Variants in MPDZ observed in about 807,000 individuals in gnomAD.
The protein encoded by MPDZ is multiple PDZ domain protein.
In MPDZ, 234 loss-of-function variants were observed where a neutral mutation model predicts 239.1. That is an observed-to-expected ratio of 0.98 (90% CI 0.88 to 1.09). The LOEUF is 1.09. MPDZ is among the 50% of genes least tolerant of loss of function. MPDZ has a pLI of 0.00. For missense variants in MPDZ, 3,175 were observed against 2,510.0 expected (o/e 1.26, Z -5.66); for synonymous variants, 1,048 against 881.3 (o/e 1.19, Z -3.35).
chr9:13,231,385 G>A, intron 3 of MPDZ, among the ~76,000 whole-genome samples: 1 of 151,940 alleles, frequency 6.6e-6, no homozygotes. Context: ...GGCCAACATG[G>A]CAAAAACCCA....
chr9:13,271,353 T>C (rs1972915632), intron 1 of MPDZ, among the ~76,000 whole-genome samples: 1 of 152,194 alleles, frequency 6.6e-6, no homozygotes, highest in South Asian at 2.1e-4. Flanking sequence ...AATATGCTAC[T>C]TTGGCATCAG....
intron 13 of MPDZ, among the ~76,000 whole-genome samples, chr9:13,193,679 G>A (rs753430250): frequency 6.6e-5 from 10 of 152,148 alleles, no homozygotes; most frequent in South Asian, 2.1e-4. Flanking sequence ...AACAAAGAAC[G>A]CAGAACCACA....
intron 1 of MPDZ, 63 bp downstream of exon 1, chr9:13,279,337 G>C (rs1975123370): frequency 7.4e-6 from 1 of 134,432 alleles, no homozygotes; most frequent in Non-Finnish European, 1.6e-5. Context: ...CTTCCCCGCC[G>C]GCGCGCGCGC....
intron 5 of MPDZ, among the ~76,000 whole-genome samples, chr9:13,222,668 T>TA (rs938220531): frequency 6.6e-6 from 1 of 152,062 alleles, no homozygotes; most frequent in African/African-American, 2.4e-5. Flanking sequence ...CCCTCCCATA[T>TA]AAAAGTACTC....
In MPDZ at chr9:13,183,597, A is replaced by G; in HGVS notation, c.2482-12T>C. ...TCATTTGTGCCCACCTAGAAACAAA[A>G]CAATAATATCAGTTGGGAATTCTGT... On this transcript the variant is annotated splice_polypyrimidine_tract_variant and intron_variant, in intron 18 of 46. Coordinates refer to ENST00000319217, the MANE Select transcript of MPDZ (RefSeq NM_001378778.1). The G allele has an allele frequency of 6.2e-7, 1 of 1,610,570 alleles. No homozygotes were observed. Among genetic ancestry groups the G allele is most frequent in the Admixed American group, 1.7e-5 (1 of 59,418 alleles).
chr9:13,128,396 T>C (rs1945428965), intron 32 of MPDZ, among the ~76,000 whole-genome samples: 1 of 152,204 alleles, frequency 6.6e-6, no homozygotes, highest in Non-Finnish European at 1.5e-5. Context: ...ATAAGGCCTG[T>C]TGCCAACAGC....
At chr9:13,232,851 T>C (rs1255320059) in intron 3 of MPDZ, among the ~76,000 whole-genome samples, 2 of 62,346 alleles carry the variant, frequency 3.2e-5, no homozygotes, top group African/African-American at 6.7e-5. Flanking sequence ...GAAAAATCAA[T>C]AGAAAAATGG....
chr9:13,259,766 G>A (rs1325810376), intron 1 of MPDZ, among the ~76,000 whole-genome samples: 1 of 152,142 alleles, frequency 6.6e-6, no homozygotes, highest in African/African-American at 2.4e-5. Flanking sequence ...CGGAGAAGAT[G>A]AGCCTGGAGA....
At chr9:13,122,341 C>G (rs1407706479) in intron 36 of MPDZ, among the ~76,000 whole-genome samples, 171 bp from the exon 37 acceptor site, 1 of 152,008 alleles carries the variant, frequency 6.6e-6, no homozygotes, top group Non-Finnish European at 1.5e-5. Flanking sequence ...ACAATTTTTG[C>G]TAAAAGGCTC....
At chr9:13,236,243 G>GTATATATATA (rs1564099447) in intron 3 of MPDZ, among the ~76,000 whole-genome samples, 1 of 4,338 alleles carries the variant, frequency 2.3e-4, no homozygotes, top group Admixed American at 4.6e-3. Flanking sequence ...ATATGTGTGT[G>GTATATATATA]TGTGTGTATA....
At chr9:13,173,950 T>C (rs919481566) in intron 21 of MPDZ, among the ~76,000 whole-genome samples, 3 of 152,142 alleles carry the variant, frequency 2.0e-5, no homozygotes, top group African/African-American at 7.2e-5. Context: ...CCAGCAGTTG[T>C]CTCCCATTTA....
rs989105664 is a variant in MPDZ, at chr9:13,106,876, A to G, written c.*89T>C. 1.4e-6 allele frequency: 2 copies of G among 1,448,186 alleles called. No individual in the cohort carries two copies. The highest frequency in any genetic ancestry group is 3.4e-5 in the Admixed American group (2 of 58,476). 89.7% of individuals were successfully genotyped at this position (1,448,186 alleles called of 1,614,324 possible). On this transcript the variant is annotated 3_prime_UTR_variant, in exon 47 of 47. Transcript: ENST00000319217. ...CCTACAGTTTTGAAGACCCGGCTGA[A>G]CACAGCATAAAAATTGTCAGGACCA...
intron 1 of MPDZ, among the ~76,000 whole-genome samples, chr9:13,278,703 G>A (rs1588298976): frequency 6.6e-6 from 1 of 152,128 alleles, no homozygotes; most frequent in Non-Finnish European, 1.5e-5. Flanking sequence ...CCCACCAACG[G>A]GAGCGGCGGT....
At position 13,147,456 on chromosome 9, in the gene MPDZ, T is replaced by C; in HGVS notation, c.3741+92A>G. 4.4e-6 allele frequency: 4 copies of C among 915,876 alleles called. No individual in the cohort carries two copies. In the South Asian group the frequency reaches 5.7e-5, roughly 13 times the overall value. The allele number at this position is 915,876 out of a possible 1,614,324, so 56.7% of individuals were successfully genotyped here. A position where few individuals can be genotyped will look rare whatever the true frequency, so the allele number is the denominator to read the frequency against. ...TCCTGAGATTTGAAAAATCACTATC[T>C]TTACTCATACAGACAACTTGGCCCT... is the stretch of plus-strand genomic sequence containing the variant. On this transcript the variant is annotated intron_variant, in intron 26 of 46. Transcript: ENST00000319217.
chr9:13,108,318 C>G (rs2130970331), intron 46 of MPDZ, among the ~76,000 whole-genome samples: 1 of 152,018 alleles, frequency 6.6e-6, no homozygotes, highest in East Asian at 1.9e-4. Context: ...TATCTTTATT[C>G]TTATTCTAAA....
At position 13,112,016 on chromosome 9, in the gene MPDZ, C is replaced by T. The variant is rs148275773; in HGVS notation, c.5724+8G>A. ...GCTAGGGCTTCTAGGGTTGATAGTA[C>T]GACTCACTCTGAGTTTTTGGGTCTG... is the stretch of plus-strand genomic sequence containing the variant. On this transcript the variant is annotated splice_region_variant and intron_variant, in intron 43 of 46. Transcript: ENST00000319217. The T allele has an allele frequency of 2.8e-4, 459 of 1,612,782 alleles. 1 individual carries two copies. The highest frequency in any genetic ancestry group is 2.1e-3 in the African/African-American group (157 of 74,982).
chr9:13,217,577 T>G (rs1958511579), intron 8 of MPDZ, among the ~76,000 whole-genome samples: 1 of 151,606 alleles, frequency 6.6e-6, no homozygotes, highest in East Asian at 1.9e-4. Context: ...ATCAAACAGG[T>G]TTTTTTTAGC....
chr9:13,253,322 G>A (rs1343540142), intron 1 of MPDZ, among the ~76,000 whole-genome samples: 1 of 151,214 alleles, frequency 6.6e-6, no homozygotes, highest in Non-Finnish European at 1.5e-5. Context: ...ATGCTTGGAT[G>A]TCCCTAAAAT....
chr9:13,241,021 C>A (rs759035502), intron 3 of MPDZ, among the ~76,000 whole-genome samples: 8 of 152,134 alleles, frequency 5.3e-5, no homozygotes, highest in Non-Finnish European at 8.8e-5. Flanking sequence ...TTTAATCCAG[C>A]ACTGTATAAA....
Sources: gnomAD v4.1 joint callset for allele counts (sites outside exome capture counted in the v4.1 genomes callset) on GRCh38, gnomAD v4.1.1 for gene constraint, MANE v1.5 for transcripts, NCBI Gene and HGNC (gene_info 2026-07-23, HGNC 2026-07-21) for gene names.